The following THSD7B variants were observed in gnomAD, a reference collection of about 807,000 sequenced individuals.
The protein encoded by THSD7B is thrombospondin type 1 domain containing 7B, also known as thrombospondin type-1 domain-containing protein 7B.
A neutral mutation model predicts 213.6 loss-of-function variants in THSD7B; 138 were observed. That is an observed-to-expected ratio of 0.65 (90% CI 0.56 to 0.74). THSD7B has a LOEUF of 0.74. Ranked by LOEUF, THSD7B falls within the 30% of genes least tolerant of loss-of-function variation. The pLI is 0.00. For synonymous variants in THSD7B, 742 were observed against 687.0 expected, an observed-to-expected ratio of 1.08 and a Z score of -1.25; for missense variants, 1,931 against 1,991.5, an observed-to-expected ratio of 0.97 and a Z score of 0.58.
chr2:136,782,623 T>G (rs1197266001), intron 1 of THSD7B, among the ~76,000 whole-genome samples: 1 of 151,742 alleles, frequency 6.6e-6, no homozygotes, highest in African/African-American at 2.4e-5. Context: ...CTGGGGTGGT[T>G]GGGGGGTTGG....
chr2:137,316,556 ACGAGG>A (rs1327853487), intron 12 of THSD7B, among the ~76,000 whole-genome samples: 2 of 152,136 alleles, frequency 1.3e-5, no homozygotes, highest in Non-Finnish European at 2.9e-5. Flanking sequence ...TGGGAGGATC[ACGAGG>A]TCAAGAGATC....
intron 10 of THSD7B, among the ~76,000 whole-genome samples, chr2:137,262,330 T>G (rs371504426): frequency 4.1e-4 from 63 of 152,178 alleles, no homozygotes; most frequent in African/African-American, 1.3e-3. Context: ...CTGTATCCCA[T>G]GCAGAATGGT....
At chr2:137,214,832 G>A (rs62171065) in intron 7 of THSD7B, among the ~76,000 whole-genome samples, 24,843 of 151,922 alleles carry the variant, frequency 0.16, 2,456 homozygotes, top group East Asian at 0.44. Flanking sequence ...CCAGTCTATC[G>A]CTGATGGGCA....
chr2:137,535,127 T>G (rs962091641), intron 15 of THSD7B, among the ~76,000 whole-genome samples: 8 of 151,864 alleles, frequency 5.3e-5, no homozygotes, highest in Admixed American at 4.6e-4. Context: ...ATGTAAAACT[T>G]GATAACCTGT....
intron 20 of THSD7B, among the ~76,000 whole-genome samples, chr2:137,635,883 AG>A (rs1332148322): frequency 1.3e-5 from 2 of 152,062 alleles, no homozygotes; most frequent in African/African-American, 4.8e-5. Context: ...TTGTATTTTT[AG>A]TAGAAATGGG....
In THSD7B at chr2:136,898,795, A is replaced by C. The variant is rs1162190991; in HGVS notation, c.139+16478A>C. Among the ~76,000 whole-genome samples, 7 of 151,834 alleles carry C rather than the reference A, an allele frequency of 4.6e-5. No homozygotes were observed. The East Asian group carries it at 1.4e-3, about 30-fold the overall frequency. ...GTAGCTGGGACCACAGGCGTGCACC[A>C]CCATGCCCAGCTAAGTTTTGTAGTT... On this transcript the variant is annotated intron_variant, in intron 2 of 27. Coordinates refer to ENST00000409968, the MANE Select transcript of THSD7B (RefSeq NM_001316349.2).
intron 5 of THSD7B, among the ~76,000 whole-genome samples, chr2:137,152,086 A>G (rs944795873): frequency 1.3e-5 from 2 of 150,596 alleles, no homozygotes; most frequent in Admixed American, 1.3e-4. Flanking sequence ...TGAACTCTTT[A>G]AATGTTTTTA....
At chr2:136,973,495 T>G (rs1446907498) in intron 2 of THSD7B, among the ~76,000 whole-genome samples, 1 of 152,208 alleles carries the variant, frequency 6.6e-6, no homozygotes, top group Non-Finnish European at 1.5e-5. Context: ...TATCAATATT[T>G]GTCATTACAA....
chr2:137,419,968 G>A (rs1307325632), intron 14 of THSD7B, among the ~76,000 whole-genome samples: 1 of 152,060 alleles, frequency 6.6e-6, no homozygotes, highest in Non-Finnish European at 1.5e-5. Flanking sequence ...ACTCAGTACT[G>A]GAATTGCTGG....
At chr2:136,882,035 C>T in intron 1 of THSD7B, 109 bp from the exon 2 acceptor site, 2 of 760,422 alleles carry the variant, frequency 2.6e-6, no homozygotes. Context: ...TATCTTCATG[C>T]TAATGAAAAA....
intron 6 of THSD7B, among the ~76,000 whole-genome samples, chr2:137,168,017 G>A (rs550405927): frequency 1.3e-5 from 2 of 152,294 alleles, no homozygotes; most frequent in South Asian, 2.1e-4. Flanking sequence ...CTTTGGAGAA[G>A]TAATAAAGTG....
intron 2 of THSD7B, among the ~76,000 whole-genome samples, chr2:137,004,919 A>G (rs2104828395): frequency 6.6e-6 from 1 of 152,328 alleles, no homozygotes; most frequent in South Asian, 2.1e-4. Flanking sequence ...AAACTATTTT[A>G]TTGCCCTACT....
intron 3 of THSD7B, among the ~76,000 whole-genome samples, chr2:137,086,973 G>T (rs1185303949): frequency 1.9e-4 from 29 of 152,174 alleles, no homozygotes; most frequent in Admixed American, 1.9e-3. Context: ...CTGTGGATTT[G>T]CAAGAAATTG....
intron 4 of THSD7B, among the ~76,000 whole-genome samples, chr2:137,112,107 T>G (rs78519518): frequency 0.058 from 8,846 of 152,192 alleles, 276 homozygotes; most frequent in East Asian, 0.1. Flanking sequence ...TTTAGCTGAG[T>G]GGGCTCCTTT....
intron 12 of THSD7B, among the ~76,000 whole-genome samples, chr2:137,342,830 A>T (rs143728477): frequency 1.3e-5 from 2 of 151,694 alleles, no homozygotes; most frequent in Non-Finnish European, 3.0e-5. Flanking sequence ...GTAATGTGTC[A>T]TGTTTATTGA....
chr2:137,151,558 C>T (rs1423569851), intron 5 of THSD7B, among the ~76,000 whole-genome samples: 2 of 151,906 alleles, frequency 1.3e-5, no homozygotes, highest in African/African-American at 2.4e-5. Flanking sequence ...AAAGACAATG[C>T]CTTCTTCTGG....
intron 23 of THSD7B, 41 bp downstream of exon 23, chr2:137,657,010 A>G: frequency 6.2e-7 from 1 of 1,613,518 alleles, no homozygotes; most frequent in Non-Finnish European, 8.5e-7. Context: ...TTCATTGATC[A>G]ATGCTTATTC....
chr2:137,045,879 T>C (rs1342665803), intron 2 of THSD7B, among the ~76,000 whole-genome samples: 1 of 152,098 alleles, frequency 6.6e-6, no homozygotes, highest in Non-Finnish European at 1.5e-5. Flanking sequence ...ATAACAGGCA[T>C]TGCAAAAGGA....
At chr2:137,644,615 C>G (rs1023719311) in intron 21 of THSD7B, among the ~76,000 whole-genome samples, 11 of 152,202 alleles carry the variant, frequency 7.2e-5, no homozygotes, top group African/African-American at 2.4e-4. Context: ...AACACCATAT[C>G]TTCTTTAAAA....
Sources: gnomAD v4.1 joint callset for allele counts (sites outside exome capture counted in the v4.1 genomes callset) on GRCh38, gnomAD v4.1.1 for gene constraint, MANE v1.5 for transcripts, NCBI Gene and HGNC (gene_info 2026-07-23, HGNC 2026-07-21) for gene names.